ANKS1B: variants seen among roughly 807,000 people sequenced by gnomAD.
ANKS1B encodes the protein ankyrin repeat and sterile alpha motif domain-containing protein 1B.
ANKS1B carries 36 observed loss-of-function variants against 148.3 expected under a neutral mutation model. The ratio of observed to expected loss-of-function variants is 0.24; its 90% CI spans 0.19 to 0.32. The LOEUF is 0.32. Among genes scored for constraint, ANKS1B ranks in the 10% least tolerant of loss-of-function variants. ANKS1B has a pLI of 1.00. For synonymous variants in ANKS1B, 542 were observed against 560.8 expected (o/e 0.97, Z 0.47); for missense variants, 1,157 against 1,542.6 (o/e 0.75, Z 4.19).
At chr12:99,885,598 C>T (rs995206496) in intron 1 of ANKS1B, among the ~76,000 whole-genome samples, 1 of 152,064 alleles carries the variant, frequency 6.6e-6, no homozygotes, top group East Asian at 1.9e-4. Context: ...CCACCGCGCC[C>T]GGTCTTTTTT....
intron 10 of ANKS1B, among the ~76,000 whole-genome samples, chr12:99,494,847 C>A (rs960658313): frequency 3.3e-5 from 5 of 151,612 alleles, no homozygotes; most frequent in African/African-American, 1.2e-4. Context: ...ATGGAGCCAA[C>A]CTTGGGCAGG....
In ANKS1B at chr12:99,304,477, C is replaced by T. The variant is rs866509292; in HGVS notation, c.1757-57613G>A. On this transcript the variant is annotated intron_variant, in intron 12 of 26. Coordinates refer to ENST00000683438, the MANE Select transcript of ANKS1B (RefSeq NM_001352186.2). ...CTTGGCTTTCCTTTCCCCCTTCTAC[C>T]GTTTTCTTTTACTAGCTTTTGCCTC... is the stretch of plus-strand genomic sequence containing the variant. 4.6e-5 allele frequency among the ~76,000 whole-genome samples: 7 copies of T among 152,022 alleles called. No individual in the cohort carries two copies. In the East Asian group the frequency reaches 5.8e-4, roughly 13 times the overall value.
At chr12:99,770,407 T>C (rs1457644651) in intron 8 of ANKS1B, among the ~76,000 whole-genome samples, 1 of 152,144 alleles carries the variant, frequency 6.6e-6, no homozygotes, top group African/African-American at 2.4e-5. Flanking sequence ...GTGACCTATA[T>C]TAGGTGACCT....
intron 3 of ANKS1B, among the ~76,000 whole-genome samples, chr12:99,810,036 A>T (rs150602401): frequency 1.9e-3 from 289 of 152,138 alleles, no homozygotes; most frequent in African/African-American, 6.6e-3. Context: ...TGCCTGGCAC[A>T]CAGTAAACAA....
chr12:99,378,168 C>T (rs1405059003), intron 12 of ANKS1B, among the ~76,000 whole-genome samples: 4 of 152,116 alleles, frequency 2.6e-5, no homozygotes, highest in African/African-American at 9.7e-5. Context: ...ATAGGTCCTC[C>T]CTGTTAAACA....
intron 9 of ANKS1B, among the ~76,000 whole-genome samples, chr12:99,581,048 T>C (rs2097565015): frequency 6.6e-6 from 1 of 152,146 alleles, no homozygotes; most frequent in Non-Finnish European, 1.5e-5. Flanking sequence ...ATTATAGAAA[T>C]TGATGGGCTG....
At chr12:98,874,893 T>A (rs941017112) in intron 17 of ANKS1B, among the ~76,000 whole-genome samples, 4 of 152,322 alleles carry the variant, frequency 2.6e-5, no homozygotes, top group Middle Eastern at 3.4e-3. Context: ...GTCATAACAA[T>A]GACACACATA....
chr12:98,978,229 GT>G (rs1169608220), intron 17 of ANKS1B, among the ~76,000 whole-genome samples: 3 of 151,510 alleles, frequency 2.0e-5, no homozygotes, highest in African/African-American at 4.8e-5. Flanking sequence ...ATTTATTCTT[GT>G]TTTTTTCCCT....
chr12:98,841,263 C>T lies in ANKS1B; in HGVS notation c.2779-9127G>A, dbSNP rs367999030. Among the ~76,000 whole-genome samples the T allele has an allele frequency of 6.9e-4, 105 of 152,174 alleles. 1 individual carries two copies. The South Asian group carries it at 9.3e-3, about 14-fold the overall frequency. ...TATCCATATAAAATAAACAGAAACA[C>T]GCAACATACATGAACACACCCATAT... On this transcript the variant is annotated intron_variant, in intron 17 of 26. Transcript: ENST00000683438.
chr12:99,702,791 T>C (rs1045273928), intron 8 of ANKS1B, among the ~76,000 whole-genome samples: 1 of 151,920 alleles, frequency 6.6e-6, no homozygotes, highest in Admixed American at 6.6e-5. Flanking sequence ...ATTACATTTG[T>C]CCATTTTTGC....
chr12:99,321,150 T>C (rs561639920), intron 12 of ANKS1B, among the ~76,000 whole-genome samples: 1 of 152,264 alleles, frequency 6.6e-6, no homozygotes, highest in Non-Finnish European at 1.5e-5. Context: ...TACTCAGGGG[T>C]CAGGGACCCA....
At chr12:99,021,192 C>G (rs970813547) in intron 17 of ANKS1B, among the ~76,000 whole-genome samples, 4 of 152,188 alleles carry the variant, frequency 2.6e-5, no homozygotes, top group African/African-American at 9.6e-5. Flanking sequence ...TCTACATTTC[C>G]AAAGCCCATG....
At chr12:99,947,699 A>T (rs973898239) in intron 1 of ANKS1B, among the ~76,000 whole-genome samples, 1 of 152,156 alleles carries the variant, frequency 6.6e-6, no homozygotes, top group Non-Finnish European at 1.5e-5. Flanking sequence ...TTCAAGTCTC[A>T]CAAAGCCAGC....
At chr12:99,085,369 TA>T (rs914800474) in intron 15 of ANKS1B, among the ~76,000 whole-genome samples, 45 of 146,414 alleles carry the variant, frequency 3.1e-4, no homozygotes, top group Non-Finnish European at 6.1e-4. Context: ...AATAAATAAA[TA>T]AAAAAAGATC....
At chr12:98,967,176 AG>A (rs2099878858) in intron 17 of ANKS1B, among the ~76,000 whole-genome samples, 2 of 152,150 alleles carry the variant, frequency 1.3e-5, no homozygotes, top group African/African-American at 4.8e-5. Flanking sequence ...AACTACCTAA[AG>A]GCTCCTTCTG....
chr12:98,829,090 G>T lies in ANKS1B; in HGVS notation c.3066+84C>A. 6.8e-7 allele frequency: 1 copy of T among 1,473,388 alleles called. No individual in the cohort carries two copies. The highest frequency in any genetic ancestry group is 9.4e-7 in the Non-Finnish European group (1 of 1,062,438). The allele number at this position is 1,473,388 out of a possible 1,614,324, so 91.3% of individuals were successfully genotyped here. A position where few individuals can be genotyped will look rare whatever the true frequency, so the allele number is the denominator to read the frequency against. ...AATTCTAGTTAGGCACGGACAATAA[G>T]CATCCATAGGAAGCTACTGTTCACT... On this transcript the variant is annotated intron_variant, in intron 19 of 26. Coordinates refer to ENST00000683438, the MANE Select transcript of ANKS1B (RefSeq NM_001352186.2). The surrounding 1 kb of genome is among the most constrained non-coding windows in gnomAD (Gnocchi z 5.2).
intron 17 of ANKS1B, among the ~76,000 whole-genome samples, chr12:99,022,685 T>C (rs1385092365): frequency 6.6e-6 from 1 of 151,786 alleles, no homozygotes; most frequent in Admixed American, 6.6e-5. Context: ...TTAAGTGGGG[T>C]TTTCTTTTCT....
intron 10 of ANKS1B, among the ~76,000 whole-genome samples, chr12:99,450,499 T>C (rs1240424532): frequency 1.3e-5 from 2 of 152,192 alleles, no homozygotes; most frequent in Admixed American, 6.5e-5. Flanking sequence ...GGGAACTCCC[T>C]GCAAACTGTA....
chr12:99,191,697 G>A lies in ANKS1B; in HGVS notation c.2420-37302C>T, dbSNP rs975322955. On this transcript the variant is annotated intron_variant, in intron 14 of 26. Coordinates refer to ENST00000683438, the MANE Select transcript of ANKS1B (RefSeq NM_001352186.2). ...CATCACACACTGGGCCTGTCAGGGA[G>A]TAGGGAACTAGGGGAGGGATAGCAT... Among the ~76,000 whole-genome samples, 3 of 152,294 alleles carry A rather than the reference G, an allele frequency of 2.0e-5. No individual in the cohort carries two copies. In the South Asian group the frequency reaches 6.2e-4, roughly 32 times the overall value.
Sources: gnomAD v4.1 joint callset for allele counts (sites outside exome capture counted in the v4.1 genomes callset) on GRCh38, gnomAD v4.1.1 for gene constraint, Gnocchi (gnomAD v3.1) non-coding constraint, MANE v1.5 for transcripts, NCBI Gene and HGNC (gene_info 2026-07-23, HGNC 2026-07-21) for gene names.